The following UBE2E2 variants were observed in gnomAD, a reference collection of about 807,000 sequenced individuals.
The protein encoded by UBE2E2 is ubiquitin-conjugating enzyme E2 E2.
Under a neutral mutation model 24.7 loss-of-function variants are expected in UBE2E2, and 6 were observed. That is an observed-to-expected ratio of 0.24 (90% CI 0.13 to 0.48). The LOEUF (loss-of-function observed/expected upper bound fraction) is 0.48. UBE2E2 is among the 20% of genes least tolerant of loss of function. The pLI is 0.99. For missense variants in UBE2E2, 169 were observed against 245.0 expected (o/e 0.69, Z 2.07); for synonymous variants, 104 against 83.6 (o/e 1.24, Z -1.33).
intron 5 of UBE2E2, among the ~76,000 whole-genome samples, chr3:23,560,912 G>A (rs1296887626): frequency 6.6e-6 from 1 of 152,094 alleles, no homozygotes; most frequent in African/African-American, 2.4e-5. Context: ...TTTTGATGGG[G>A]TTGTTTGTTT....
At chr3:23,355,693 A>G (rs1168288141) in intron 3 of UBE2E2, among the ~76,000 whole-genome samples, 1 of 152,164 alleles carries the variant, frequency 6.6e-6, no homozygotes, top group African/African-American at 2.4e-5. Flanking sequence ...TTTAAATTAT[A>G]AATTACTGTC....
intron 5 of UBE2E2, among the ~76,000 whole-genome samples, chr3:23,581,290 A>G (rs1696471337): frequency 6.6e-6 from 1 of 152,116 alleles, no homozygotes; most frequent in Non-Finnish European, 1.5e-5. Flanking sequence ...AACTCCTGGC[A>G]TCCTCGAGCA....
intron 3 of UBE2E2, among the ~76,000 whole-genome samples, chr3:23,398,750 G>A (rs1333951011): frequency 1.6e-4 from 25 of 152,014 alleles, no homozygotes; most frequent in Non-Finnish European, 1.5e-5. Flanking sequence ...CGGAAGACAG[G>A]GTTTTATAGC....
chr3:23,589,689 C>A lies in UBE2E2; in HGVS notation c.509-45C>A. ...CCAGCTTTCTGAACACTTCTTCCCC[C>A]ACAGTGCTGGTATTTACTGACTCCC... On this transcript the variant is annotated intron_variant, in intron 5 of 5. Transcript: ENST00000396703. The surrounding 1 kb of genome is among the most constrained non-coding windows in gnomAD (Gnocchi z 4.1). 2 of 1,597,934 alleles carry A rather than the reference C, an allele frequency of 1.3e-6. No individual in the cohort carries two copies. The highest frequency in any genetic ancestry group is 8.6e-7 in the Non-Finnish European group (1 of 1,166,386).
At chr3:23,519,852 T>G (rs1336761851) in intron 4 of UBE2E2, among the ~76,000 whole-genome samples, 1 of 151,912 alleles carries the variant, frequency 6.6e-6, no homozygotes, top group Non-Finnish European at 1.5e-5. Context: ...AATTTTTTTT[T>G]TTTCATTATT....
rs984097694 is a variant in UBE2E2, at chr3:23,560,069, TTTTTA to T, written c.508+27379_508+27383del. Among the ~76,000 whole-genome samples the T allele has an allele frequency of 3.9e-5, 6 of 152,278 alleles. No homozygotes were observed. In the South Asian group the frequency reaches 8.3e-4, roughly 21 times the overall value. On this transcript the variant is annotated intron_variant, in intron 5 of 5. Coordinates refer to ENST00000396703, the MANE Select transcript of UBE2E2 (RefSeq NM_152653.4). ...CTTTTTATATATGTATATATGTATT[TTTTTA>T]TTTTATTTTAAGTTCTAGGGTACAT... is the stretch of plus-strand genomic sequence containing the variant.
At chr3:23,355,267 AT>A (rs1382285551) in intron 3 of UBE2E2, among the ~76,000 whole-genome samples, 1 of 151,750 alleles carries the variant, frequency 6.6e-6, no homozygotes, top group African/African-American at 2.4e-5. Context: ...ATTAGGAGAT[AT>A]ACCTAATGCT....
chr3:23,348,537 T>A (rs1312846479), intron 3 of UBE2E2, among the ~76,000 whole-genome samples: 2 of 152,132 alleles, frequency 1.3e-5, no homozygotes, highest in East Asian at 3.8e-4. Flanking sequence ...GGTTTTTACC[T>A]AACAAAAAGC....
At chr3:23,203,518 C>CT (rs1458572757) in intron 1 of UBE2E2, 54 bp downstream of exon 1, 2 of 961,768 alleles carry the variant, frequency 2.1e-6, no homozygotes, top group South Asian at 4.8e-5. Flanking sequence ...CTCCCTCTCG[C>CT]TGACGTCCTC....
chr3:23,540,515 C>T (rs140809276), intron 5 of UBE2E2, among the ~76,000 whole-genome samples: 2 of 152,262 alleles, frequency 1.3e-5, no homozygotes, highest in Admixed American at 6.5e-5. Context: ...AGCAATTCTC[C>T]TGCCTTAGCC....
chr3:23,522,254 C>T (rs1014436331), intron 4 of UBE2E2, among the ~76,000 whole-genome samples: 13 of 151,848 alleles, frequency 8.6e-5, no homozygotes, highest in Admixed American at 6.6e-4. Context: ...CCTCAGCCTC[C>T]GGAGTAGCTG....
chr3:23,220,928 T>G (rs1332903066), intron 3 of UBE2E2, among the ~76,000 whole-genome samples: 1 of 152,196 alleles, frequency 6.6e-6, no homozygotes, highest in Admixed American at 6.5e-5. Context: ...TGGCAGCTAG[T>G]GGGCCAGCAA....
rs1242623230 is a variant in UBE2E2 at position 23,273,542 on chromosome 3, AAAGAG to A, written c.227+56232_227+56236del. Among the ~76,000 whole-genome samples the A allele has an allele frequency of 2.6e-5, 4 of 151,996 alleles. No individual in the cohort carries two copies. The East Asian group carries it at 7.8e-4, about 30-fold the overall frequency. ...CGAGACTCCGTCTCAAAAAAAAAAA[AAAGAG>A]AGAGAAATGATGTACAGCAGGTCCT... is the stretch of plus-strand genomic sequence containing the variant. On this transcript the variant is annotated intron_variant, in intron 3 of 5. Coordinates refer to ENST00000396703, the MANE Select transcript of UBE2E2 (RefSeq NM_152653.4).
chr3:23,352,614 A>G (rs1163446842), intron 3 of UBE2E2, among the ~76,000 whole-genome samples: 1 of 152,240 alleles, frequency 6.6e-6, no homozygotes, highest in East Asian at 1.9e-4. Context: ...ACCTCTACGC[A>G]AATAAACTAG....
rs188042752 is a variant in UBE2E2 at position 23,347,364 on chromosome 3, T to C, written c.227+130052T>C. Among the ~76,000 whole-genome samples, 269 of 152,340 alleles carry C rather than the reference T, an allele frequency of 1.8e-3. 3 individuals carry two copies. Among genetic ancestry groups the C allele is most frequent in the African/African-American group, 6.1e-3 (255 of 41,576 alleles). On this transcript the variant is annotated intron_variant, in intron 3 of 5. Coordinates refer to ENST00000396703, the MANE Select transcript of UBE2E2 (RefSeq NM_152653.4). ...GTGGCACATATACACCACGGAATACTATGCAGCCATAAAAAAGGATGAGTT... is the reference window on the plus strand; with the variant it reads ...GTGGCACATATACACCACGGAATACCATGCAGCCATAAAAAAGGATGAGTT...
chr3:23,278,738 T>A (rs1698422462), intron 3 of UBE2E2, among the ~76,000 whole-genome samples: 1 of 152,132 alleles, frequency 6.6e-6, no homozygotes, highest in South Asian at 2.1e-4. Context: ...AATAAAATGA[T>A]CAGTATTAAT....
chr3:23,283,011 G>A (rs933246631), intron 3 of UBE2E2, among the ~76,000 whole-genome samples: 2 of 152,018 alleles, frequency 1.3e-5, no homozygotes, highest in Non-Finnish European at 2.9e-5. Flanking sequence ...ATAACTTTAG[G>A]AAATTGATAG....
At chr3:23,315,596 A>C (rs1471208187) in intron 3 of UBE2E2, among the ~76,000 whole-genome samples, 2 of 152,082 alleles carry the variant, frequency 1.3e-5, no homozygotes, top group East Asian at 3.9e-4. Context: ...TGCCTCTCCG[A>C]GATTGGTCTC....
chr3:23,513,708 T>G (rs1002984927), intron 4 of UBE2E2, among the ~76,000 whole-genome samples: 22 of 152,218 alleles, frequency 1.4e-4, no homozygotes, highest in African/African-American at 4.6e-4. Flanking sequence ...TACATCCTTA[T>G]CAGTGCTGTG....
Sources: gnomAD v4.1 joint callset for allele counts (sites outside exome capture counted in the v4.1 genomes callset) on GRCh38, gnomAD v4.1.1 for gene constraint, Gnocchi (gnomAD v3.1) non-coding constraint, MANE v1.5 for transcripts, NCBI Gene and HGNC (gene_info 2026-07-23, HGNC 2026-07-21) for gene names.